Variants in MROH2A observed in about 807,000 individuals in gnomAD.
The protein encoded by MROH2A is maestro heat-like repeat-containing protein family member 2A.
Under a neutral mutation model 200.4 loss-of-function variants are expected in MROH2A, and 174 were observed. The ratio of observed to expected loss-of-function variants is 0.87; its 90% CI spans 0.77 to 0.98. MROH2A has a LOEUF of 0.98. Ranked by LOEUF, MROH2A falls within the 50% of genes least tolerant of loss-of-function variation. The pLI is 0.00. For synonymous variants in MROH2A, 829 were observed against 840.4 expected (o/e 0.99, Z 0.23); for missense variants, 2,045 against 2,139.6 (o/e 0.96, Z 0.87).
In MROH2A at chr2:233,831,546, G is replaced by A. The variant is rs1273804322; in HGVS notation, c.4734+6G>A. The A allele has an allele frequency of 1.9e-6, 3 of 1,548,202 alleles. No homozygotes were observed. Among genetic ancestry groups the A allele is most frequent in the Non-Finnish European group, 1.7e-6 (2 of 1,145,926 alleles). On this transcript the variant is annotated splice_donor_region_variant and intron_variant, in intron 39 of 41. Transcript: ENST00000389758. The stretch of plus-strand genomic sequence containing the variant: ...CAACCATGTGCTCCATCCTGGTGAG[G>A]AAGCCAAAGGGGGAACCAGCCCGTC...
Position 233,793,744 on chromosome 2 carries a change from A to C in MROH2A, c.742A>C (p.Thr248Pro), listed in dbSNP as rs1334057734. Reference protein sequence around the residue: ...HLEESVYPVMTEEEFALKVFP... With the variant: ...HLEESVYPVMPEEEFALKVFP... ...GGAGGAGAGCGTGTACCCCGTGATG[A>C]CTGAGGAGGAGTTTGCCCTGAAGGT... The change falls in exon 7 of 42, where the codon ACT becomes CCT. Residue 248 changes from threonine to proline, a missense_variant. This residue lies in a region of MROH2A where 831 missense variants were observed against 800.0 expected (regional missense o/e 1.04). Coordinates refer to ENST00000389758, the MANE Select transcript of MROH2A (RefSeq NM_001394639.1). The C allele has an allele frequency of 2.7e-6, 4 of 1,497,316 alleles. 1 individual carries two copies. The South Asian group carries it at 5.3e-5, about 20-fold the overall frequency. 92.8% of individuals were successfully genotyped at this position (1,497,316 alleles called of 1,614,324 possible).
At chr2:233,817,244 C>T (rs1041287065) in intron 27 of MROH2A, among the ~76,000 whole-genome samples, 2 of 152,216 alleles carry the variant, frequency 1.3e-5, no homozygotes, top group Admixed American at 6.5e-5. Context: ...AGTACCGCAA[C>T]CCTTAAAATG....
intron 26 of MROH2A, among the ~76,000 whole-genome samples, 158 bp downstream of exon 26, chr2:233,814,835 G>C (rs17868358): frequency 6.6e-6 from 1 of 152,214 alleles, no homozygotes; most frequent in Non-Finnish European, 1.5e-5. Flanking sequence ...TGCAAGGATA[G>C]TGCAAAGATA....
chr2:233,814,125 G>A (rs1006395016), intron 25 of MROH2A, among the ~76,000 whole-genome samples: 1 of 152,178 alleles, frequency 6.6e-6, no homozygotes, highest in Non-Finnish European at 1.5e-5. Context: ...CAATCAATGG[G>A]TATTGATACC....
In MROH2A at chr2:233,778,428, A is replaced by G. The variant is rs1423156075; in HGVS notation, c.-68A>G. ...TTGATGTGTATTGGGCCAAGAGCAG[A>G]GCTTTTTCTTGTGGTTAATATCTGT... On this transcript the variant is annotated 5_prime_UTR_variant, in exon 1 of 42. Transcript: ENST00000389758. The G allele has an allele frequency of 5.9e-6, 1 of 169,300 alleles. No homozygotes were observed. Among genetic ancestry groups the G allele is most frequent in the African/African-American group, 2.4e-5 (1 of 41,528 alleles). 10.5% of individuals were successfully genotyped at this position (169,300 alleles called of 1,614,324 possible). A position where few individuals can be genotyped will look rare whatever the true frequency, so the allele number is the denominator to read the frequency against.
chr2:233,826,470 G>T (rs1704316642), intron 35 of MROH2A, among the ~76,000 whole-genome samples: 1 of 152,200 alleles, frequency 6.6e-6, no homozygotes, highest in Non-Finnish European at 1.5e-5. Flanking sequence ...AAGCAATGGG[G>T]AAAGGATTCC....
In MROH2A at chr2:233,794,407, CCTT is replaced by C. The variant is rs1701972650; in HGVS notation, c.870_872del (p.Leu291del). ...AGTCCCTGAAGCCCATGCTCGGCCTCCTTCTGCCCAACGATGACCTGCGGGAGC... is the reference window on the plus strand; with the variant it reads ...AGTCCCTGAAGCCCATGCTCGGCCTCCTGCCCAACGATGACCTGCGGGAGC... On this transcript the variant is annotated inframe_deletion, in exon 8 of 42. Coordinates refer to ENST00000389758, the MANE Select transcript of MROH2A (RefSeq NM_001394639.1). 3 of 1,550,574 alleles carry C rather than the reference CCTT, an allele frequency of 1.9e-6. No homozygotes were observed. Among genetic ancestry groups the C allele is most frequent in the Non-Finnish European group, 2.6e-6 (3 of 1,146,986 alleles).
rs1704468031 is a variant in MROH2A at position 233,828,433 on chromosome 2, T to G, written c.4114-197T>G. The G allele has an allele frequency of 1.7e-6, 1 of 581,476 alleles. No individual in the cohort carries two copies. Among genetic ancestry groups the G allele is most frequent in the Admixed American group, 3.1e-5 (1 of 31,826 alleles). The allele number at this position is 581,476 out of a possible 1,614,324, so 36.0% of individuals were successfully genotyped here. On this transcript the variant is annotated intron_variant, in intron 35 of 41. Transcript: ENST00000389758. This position sits in a 1 kb window ranked among gnomAD's most constrained non-coding sequence, Gnocchi z 4.6. ...TATCTAGCATTCCCCCCATATTTCCTTATTAAATCCCCACACAGACCCTGA... is the reference window on the plus strand; with the variant it reads ...TATCTAGCATTCCCCCCATATTTCCGTATTAAATCCCCACACAGACCCTGA...
At chr2:233,790,414 T>C (rs1701645295) in intron 5 of MROH2A, among the ~76,000 whole-genome samples, 2 of 100,098 alleles carry the variant, frequency 2.0e-5, no homozygotes, top group Non-Finnish European at 3.9e-5. Flanking sequence ...CACCCTTCCT[T>C]CCTCCCCTTT....
Position 233,819,460 on chromosome 2 carries a change from G to A in MROH2A, c.3348G>A (p.Leu1116=), listed in dbSNP as rs897487110. Residue 1116 remains leucine (L), a synonymous_variant, in exon 30 of 42, where the codon CTG becomes CTA. Coordinates refer to ENST00000389758, the MANE Select transcript of MROH2A (RefSeq NM_001394639.1). ...AFFLQMRAKE[L]EDKVAEILSA... is the part of the protein sequence containing the mutation. ...TCCTCCAGATGCGGGCCAAGGAGCT[G>A]GAGGACAAGGTGGCAGAGCCGCGGC... 1.3e-6 allele frequency: 2 copies of A among 1,550,320 alleles called. No individual in the cohort carries two copies. Among genetic ancestry groups the A allele is most frequent in the Admixed American group, 3.9e-5 (2 of 51,004 alleles).
At chr2:233,785,467 CAAAA>C in intron 3 of MROH2A, among the ~76,000 whole-genome samples, 1 of 110,734 alleles carries the variant, frequency 9.0e-6, no homozygotes, top group Admixed American at 9.9e-5. Context: ...GACTTTGTCT[CAAAA>C]AAAAAAAAAA....
intron 12 of MROH2A, among the ~76,000 whole-genome samples, 196 bp downstream of exon 12, chr2:233,799,046 C>G (rs574061363): frequency 1.3e-5 from 2 of 152,182 alleles, no homozygotes; most frequent in African/African-American, 4.8e-5. Context: ...CTCCATGGAT[C>G]TAGAGTTTTT....
chr2:233,800,703 T>G lies in MROH2A; in HGVS notation c.1560+388T>G, dbSNP rs1312725691. 2.0e-5 allele frequency among the ~76,000 whole-genome samples: 3 copies of G among 152,064 alleles called. No homozygotes were observed. In the East Asian group the frequency reaches 5.8e-4, roughly 29 times the overall value. ...TTTCATGGTTTAATTTTGTAAACAT[T>G]CATTGAGTTCTAACTCTGTGAAAGA... On this transcript the variant is annotated intron_variant, in intron 14 of 41. Coordinates refer to ENST00000389758, the MANE Select transcript of MROH2A (RefSeq NM_001394639.1).
chr2:233,817,588 C>T (rs760423080), intron 27 of MROH2A, among the ~76,000 whole-genome samples: 2 of 152,210 alleles, frequency 1.3e-5, no homozygotes, highest in African/African-American at 2.4e-5. Flanking sequence ...ACATTCCCTG[C>T]AAGAGGAGGT....
At chr2:233,809,023 A>T (rs10803663) in intron 21 of MROH2A, 103 bp from the exon 22 acceptor site, 3 of 1,323,402 alleles carry the variant, frequency 2.3e-6, no homozygotes, top group Non-Finnish European at 3.1e-6. Context: ...AAGCACCGCC[A>T]GCTGACTCAA....
At chr2:233,787,664 TTATATATATTATATATACA>T in intron 3 of MROH2A, among the ~76,000 whole-genome samples, 1 of 76,378 alleles carries the variant, frequency 1.3e-5, no homozygotes, top group Non-Finnish European at 2.2e-5. Flanking sequence ...TACATATATA[TTATATATATTATATATACA>T]TATATATTAT....
intron 3 of MROH2A, among the ~76,000 whole-genome samples, chr2:233,787,507 ATT>A (rs1341975327): frequency 6.3e-5 from 8 of 127,076 alleles, no homozygotes; most frequent in Non-Finnish European, 9.4e-5. Context: ...ATACATATAT[ATT>A]ATATATACAT....
chr2:233,815,522 A>T (rs142718330), intron 26 of MROH2A, among the ~76,000 whole-genome samples: 3 of 152,154 alleles, frequency 2.0e-5, no homozygotes, highest in Non-Finnish European at 4.4e-5. Flanking sequence ...GTATTTTCAG[A>T]TTTTATGATT....
At chr2:233,813,638 C>A in intron 24 of MROH2A, 32 bp from the exon 25 acceptor site, 1 of 1,383,996 alleles carries the variant, frequency 7.2e-7, no homozygotes, top group Non-Finnish European at 1.0e-6. Context: ...TCCCCAATGA[C>A]TGTTCCTCTC....
Sources: gnomAD v4.1 joint callset for allele counts (sites outside exome capture counted in the v4.1 genomes callset) on GRCh38, gnomAD v4.1.1 for gene constraint, gnomAD v4.1.1 regional missense constraint, Gnocchi (gnomAD v3.1) non-coding constraint, MANE v1.5 for transcripts, NCBI Gene and HGNC (gene_info 2026-07-23, HGNC 2026-07-21) for gene names.